The following NPEPPS variants were observed in gnomAD, a reference collection of about 807,000 sequenced individuals.
NPEPPS encodes the protein puromycin-sensitive aminopeptidase.
NPEPPS carries 14 observed loss-of-function variants against 115.5 expected under a neutral mutation model. The observed-to-expected ratio is 0.12, with a 90% CI of 0.08 to 0.19. NPEPPS has a LOEUF of 0.19. Among genes scored for constraint, NPEPPS ranks in the 10% least tolerant of loss-of-function variants. The probability of loss-of-function intolerance (pLI) is 1.00; values close to 1 mark genes in which losing one functional copy is unlikely to be tolerated. For synonymous variants in NPEPPS, 285 were observed against 390.6 expected (o/e 0.73, Z 3.19); for missense variants, 523 against 1,110.8 (o/e 0.47, Z 7.52).
chr17:47,547,730 TATAAA>T (rs955754145), intron 2 of NPEPPS, among the ~76,000 whole-genome samples: 2 of 152,048 alleles, frequency 1.3e-5, no homozygotes, highest in African/African-American at 4.8e-5. Flanking sequence ...ACTTCTTTAA[TATAAA>T]ATAATTTACG....
At chr17:47,599,597 G>T in intron 13 of NPEPPS, 79 bp from the exon 14 acceptor site, 1 of 1,065,512 alleles carries the variant, frequency 9.4e-7, no homozygotes, top group South Asian at 1.4e-5. Context: ...CAGAAATGTT[G>T]TCTCCCTCCT....
At chr17:47,577,440 T>G (rs1450883536) in intron 3 of NPEPPS, among the ~76,000 whole-genome samples, 1 of 152,120 alleles carries the variant, frequency 6.6e-6, no homozygotes, top group African/African-American at 2.4e-5. Flanking sequence ...AAAAATTAAG[T>G]GAATTTCTAA....
At chr17:47,548,625 G>A (rs1007727963) in intron 2 of NPEPPS, among the ~76,000 whole-genome samples, 8 of 128,596 alleles carry the variant, frequency 6.2e-5, no homozygotes, top group Non-Finnish European at 1.1e-4. Context: ...ATGGAGTCTC[G>A]CTCTGTCGCC....
At chr17:47,560,543 C>T (rs1910361612) in intron 2 of NPEPPS, among the ~76,000 whole-genome samples, 2 of 152,252 alleles carry the variant, frequency 1.3e-5, no homozygotes, top group South Asian at 4.1e-4. Context: ...ATCTGATTGG[C>T]TTTTATGCCC....
intron 5 of NPEPPS, among the ~76,000 whole-genome samples, chr17:47,583,207 G>C (rs567489579): frequency 1.3e-5 from 2 of 151,818 alleles, no homozygotes; most frequent in African/African-American, 4.8e-5. Context: ...CAAATTCCTC[G>C]TTAAATACAT....
upstream of NPEPPS, among the ~76,000 whole-genome samples, chr17:47,529,280 CT>C (rs1257763000): frequency 2.0e-5 from 3 of 151,966 alleles, no homozygotes; most frequent in Admixed American, 2.0e-4. Flanking sequence ...ACTCTGTCAT[CT>C]GGAGTGCAGT....
At chr17:47,550,787 C>T (rs1370101963) in intron 2 of NPEPPS, among the ~76,000 whole-genome samples, 1 of 151,758 alleles carries the variant, frequency 6.6e-6, no homozygotes, top group East Asian at 1.9e-4. Flanking sequence ...CCACCACACC[C>T]AGCTAATTTT....
chr17:47,574,481 T>G (rs1288348897), intron 3 of NPEPPS, among the ~76,000 whole-genome samples: 4 of 152,162 alleles, frequency 2.6e-5, no homozygotes, highest in African/African-American at 9.7e-5. Flanking sequence ...AGACAGAAAC[T>G]TCTAACATGA....
intron 18 of NPEPPS, 95 bp downstream of exon 18, chr17:47,612,697 T>C (rs1913950439): frequency 7.9e-7 from 1 of 1,269,002 alleles, no homozygotes; most frequent in East Asian, 2.5e-5. Flanking sequence ...AGAGTCTTGC[T>C]CTGTCGCCCA....
intron 1 of NPEPPS, among the ~76,000 whole-genome samples, chr17:47,525,149 C>T (rs1205652514): frequency 6.6e-6 from 1 of 152,030 alleles, no homozygotes; most frequent in Non-Finnish European, 1.5e-5. Context: ...AGGTGGTCAT[C>T]CAGTCATATT....
intron 2 of NPEPPS, among the ~76,000 whole-genome samples, chr17:47,558,289 G>A (rs1910194494): frequency 6.6e-6 from 1 of 151,774 alleles, no homozygotes; most frequent in Non-Finnish European, 1.5e-5. Context: ...CACCATTCCT[G>A]GCTAATTTTT....
At chr17:47,536,388 C>CTTTTTTTT (rs749380530) in intron 1 of NPEPPS, among the ~76,000 whole-genome samples, 1 of 69,940 alleles carries the variant, frequency 1.4e-5, no homozygotes. Flanking sequence ...TATTTTCTCT[C>CTTTTTTTT]TTTTTTTTTT....
At chr17:47,605,584 C>A in intron 17 of NPEPPS, 32 bp downstream of exon 17, 2 of 1,365,552 alleles carry the variant, frequency 1.5e-6, no homozygotes, top group Non-Finnish European at 2.0e-6. Flanking sequence ...GAAAGAATTA[C>A]GCAGAAGTTG....
Position 47,590,701 on chromosome 17 carries a change from C to G in NPEPPS, c.1096-16C>G. ...TCATTTCATTTTCTTTAAGTATTTTCATCTTTTGTTTTTAGGAATGGTGGA... is the reference window on the plus strand; with the variant it reads ...TCATTTCATTTTCTTTAAGTATTTTGATCTTTTGTTTTTAGGAATGGTGGA... On this transcript the variant is annotated splice_polypyrimidine_tract_variant and intron_variant, in intron 9 of 22. Transcript: ENST00000322157. The G allele has an allele frequency of 1.9e-6, 3 of 1,608,426 alleles. No individual in the cohort carries two copies. Among genetic ancestry groups the G allele is most frequent in the Non-Finnish European group, 2.6e-6 (3 of 1,176,150 alleles).
chr17:47,524,805 ATTT>A (rs58644203), intron 1 of NPEPPS, among the ~76,000 whole-genome samples: 3 of 138,712 alleles, frequency 2.2e-5, no homozygotes, highest in Admixed American at 1.5e-4. Flanking sequence ...TGCCCGGCCA[ATTT>A]TTTTTTTTTT....
At chr17:47,618,292 A>G (rs1457877562) in intron 19 of NPEPPS, 58 bp from the exon 20 acceptor site, 1 of 1,135,420 alleles carries the variant, frequency 8.8e-7, no homozygotes, top group African/African-American at 1.5e-5. Context: ...TCATATAATC[A>G]TATGCAGAAC....
At chr17:47,575,342 T>G (rs1911449678) in intron 3 of NPEPPS, among the ~76,000 whole-genome samples, 1 of 152,082 alleles carries the variant, frequency 6.6e-6, no homozygotes, top group Non-Finnish European at 1.5e-5. Flanking sequence ...TTGGAGGCCA[T>G]TTATTATTAG....
intron 18 of NPEPPS, 55 bp downstream of exon 18, chr17:47,612,657 A>C (rs1178348473): frequency 3.0e-5 from 43 of 1,424,684 alleles, no homozygotes; most frequent in Non-Finnish European, 4.0e-5. Flanking sequence ...TTTGTGAAGC[A>C]TGGAACTTTT....
rs142769497 is a variant in NPEPPS, at chr17:47,610,661, C to T, written c.2096-1799C>T. ...CCTCCCAAAGTGCTGGGATTACAGG[C>T]GTGAACCACCACACCCAGACCCCCG... On this transcript the variant is annotated intron_variant, in intron 17 of 22. Coordinates refer to ENST00000322157, the MANE Select transcript of NPEPPS (RefSeq NM_006310.4). Among the ~76,000 whole-genome samples the T allele has an allele frequency of 9.7e-3, 1,459 of 150,194 alleles. 24 individuals carry two copies. Among genetic ancestry groups the T allele is most frequent in the African/African-American group, 0.032 (1,315 of 40,932 alleles).
Sources: gnomAD v4.1 joint callset for allele counts (sites outside exome capture counted in the v4.1 genomes callset) on GRCh38, gnomAD v4.1.1 for gene constraint, MANE v1.5 for transcripts, NCBI Gene and HGNC (gene_info 2026-07-23, HGNC 2026-07-21) for gene names.